The following MEX3B variants were observed in gnomAD, a reference collection of about 807,000 sequenced individuals.
MEX3B encodes the protein mex-3 RNA binding family member B, also known as RNA-binding protein MEX3B.
Under a neutral mutation model 12.2 loss-of-function variants are expected in MEX3B, and 10 were observed. The ratio of observed to expected loss-of-function variants is 0.82; its 90% CI spans 0.51 to 1.40. The LOEUF (loss-of-function observed/expected upper bound fraction) is 1.40, where lower values mean the gene tolerates loss of function less well. MEX3B is among the 40% of genes most tolerant of loss of function. The pLI is 0.00. For missense variants in MEX3B, 839 were observed against 801.4 expected, an observed-to-expected ratio of 1.05 and a Z score of -0.57; for synonymous variants, 498 against 356.3, an observed-to-expected ratio of 1.40 and a Z score of -4.48.
chr15:82,045,116 CCTT>C (rs1479541366), intron 1 of MEX3B: 13 of 601,986 alleles, frequency 2.2e-5, no homozygotes, highest in Admixed American at 5.9e-5. Context: ...CACTCCTCCT[CCTT>C]CCTCCTCCCA....
In MEX3B at chr15:82,044,710, G is replaced by A. The variant is rs981335694; in HGVS notation, c.257-97C>T. The A allele has an allele frequency of 1.7e-5, 20 of 1,182,432 alleles. No individual in the cohort carries two copies. The South Asian group carries it at 1.9e-4, about 11-fold the overall frequency. The allele number at this position is 1,182,432 out of a possible 1,614,324, so 73.2% of individuals were successfully genotyped here. Reference sequence around the variant, plus strand: ...GGGACCGGGGACAGCCCGCGTCCAGGACAGCGAGACGGCAGGACAAGAGAT... The same window carrying A: ...GGGACCGGGGACAGCCCGCGTCCAGAACAGCGAGACGGCAGGACAAGAGAT... On this transcript the variant is annotated intron_variant, in intron 1 of 1. Transcript: ENST00000329713. The surrounding 1 kb of genome is among the most constrained non-coding windows in gnomAD (Gnocchi z 5.3).
At chr15:82,045,066 C>T (rs1361486470) in intron 1 of MEX3B, 3 of 595,774 alleles carry the variant, frequency 5.0e-6, no homozygotes, top group Non-Finnish European at 8.9e-6. Flanking sequence ...GGCTCCATTC[C>T]GCTTTGCAGA....
In MEX3B at chr15:82,043,097, A is replaced by T; in HGVS notation, c.*63T>A. 1 of 1,383,190 alleles carries T rather than the reference A, an allele frequency of 7.2e-7. No individual in the cohort carries two copies. Among genetic ancestry groups the T allele is most frequent in the Non-Finnish European group, 9.4e-7 (1 of 1,064,518 alleles). The allele number at this position is 1,383,190 out of a possible 1,614,324, so 85.7% of individuals were successfully genotyped here. On this transcript the variant is annotated 3_prime_UTR_variant, in exon 2 of 2. Transcript: ENST00000329713. ...CAGGGAGGCAGGCGAGCGCTGGGGA[A>T]AGAGGGTGGGGAGGGGTTCCCCCTT...
At position 82,045,549 on chromosome 15, in the gene MEX3B, AG is replaced by A; in HGVS notation, c.156del (p.Ser53LeufsTer12). ...TTGCGCGGCTCGCTGTCGTACAGAG[AG>A]GCGCCCTCGTCACTGTCCAGCCCCA... ...SLLGLDSDEG[A>X]SLYDSEPRKK... On this transcript the variant is annotated frameshift_variant, in exon 1 of 2. Transcript: ENST00000329713. LOFTEE classifies it high-confidence loss of function. 1 of 1,611,916 alleles carries A rather than the reference AG, an allele frequency of 6.2e-7. No individual in the cohort carries two copies. The highest frequency in any genetic ancestry group is 8.5e-7 in the Non-Finnish European group (1 of 1,179,752).
chr15:82,045,365 C>G, intron 1 of MEX3B, 85 bp downstream of exon 1: 1 of 1,479,788 alleles, frequency 6.8e-7, no homozygotes, highest in South Asian at 1.2e-5. Context: ...CCGCGGATCC[C>G]GATACTGAAC....
rs2073231069 is a variant in MEX3B at position 82,043,223 on chromosome 15, C to A, written c.1647G>T (p.Lys549Asn). Residue 549 changes from lysine (K) to asparagine (N), a missense_variant, in exon 2 of 2, where the codon AAG becomes AAT. By Grantham distance (94) the Lys-to-Asn change is moderately conservative. Around this residue, in one of 3 missense-constraint regions of MEX3B, gnomAD observed 573 missense variants for 488.9 expected, o/e 1.17. Transcript: ENST00000329713. ...GGCAGACCGGGCACTCGGGCTCGCTCTTCTCACAGATGCGATTGGCGCACT... is the reference window on the plus strand; with the variant it reads ...GGCAGACCGGGCACTCGGGCTCGCTATTCTCACAGATGCGATTGGCGCACT... ...CMECANRICE[K>N]SEPECPVCHT... 6.3e-7 allele frequency: 1 copy of A among 1,587,924 alleles called. No homozygotes were observed. The highest frequency in any genetic ancestry group is 8.6e-7 in the Non-Finnish European group (1 of 1,167,682).
Position 82,043,750 on chromosome 15 carries a change from G to C in MEX3B, c.1120C>G (p.Pro374Ala). 2 of 1,568,856 alleles carry C rather than the reference G, an allele frequency of 1.3e-6. No homozygotes were observed. Among genetic ancestry groups the C allele is most frequent in the Non-Finnish European group, 8.6e-7 (1 of 1,158,962 alleles). ...DPAPAPPPGA[P>A]LIWAQFERSP... ...CGCTCGAACTGGGCCCAGATAAGTGGTGCCCCAGGTGGGGGAGCGGGAGCC... is the reference window on the plus strand; with the variant it reads ...CGCTCGAACTGGGCCCAGATAAGTGCTGCCCCAGGTGGGGGAGCGGGAGCC... The change falls in exon 2 of 2, where the codon CCA (proline) becomes GCA (alanine). Residue 374 changes from proline (P) to alanine (A), a missense_variant. Physicochemically the swap from Pro to Ala is conservative, Grantham distance 27 (BLOSUM62 -1). This residue lies in a region of MEX3B where 573 missense variants were observed against 488.9 expected (regional missense o/e 1.17). Transcript: ENST00000329713.
Position 82,045,617 on chromosome 15 carries a change from T to A in MEX3B, c.89A>T (p.Asp30Val). The change falls in exon 1 of 2, where the codon GAC becomes GTC. Residue 30 changes from aspartate (D) to valine (V), a missense_variant. This residue lies in a region of MEX3B where 214 missense variants were observed against 223.8 expected (regional missense o/e 0.96). Coordinates refer to ENST00000329713, the MANE Select transcript of MEX3B (RefSeq NM_032246.6). ...GAGCGCGAGCTGCAGGGCTCTTTGGTCATCCAGGGTCTCTCCCCCTCCGCT... is the reference window on the plus strand; with the variant it reads ...GAGCGCGAGCTGCAGGGCTCTTTGGACATCCAGGGTCTCTCCCCCTCCGCT... ...GSSGGGETLD[D>V]QRALQLALDQ... 2 of 1,603,110 alleles carry A rather than the reference T, an allele frequency of 1.2e-6. No homozygotes were observed. The highest frequency in any genetic ancestry group is 2.2e-5 in the East Asian group (1 of 44,520).
At position 82,043,553 on chromosome 15, in the gene MEX3B, C is replaced by A; in HGVS notation, c.1317G>T (p.Pro439=). The part of the protein sequence containing the change: ...HRRLHPGTSC[P]RLSPPLHMAP... ...CCATGTGCAAGGGTGGAGACAGGCG[C>A]GGGCAGCTGGTGCCAGGGTGCAGCC... Residue 439 remains proline (P), a synonymous_variant, in exon 2 of 2, where the codon CCG becomes CCT. Coordinates refer to ENST00000329713, the MANE Select transcript of MEX3B (RefSeq NM_032246.6). 1 of 1,537,142 alleles carries A rather than the reference C, an allele frequency of 6.5e-7. No individual in the cohort carries two copies. The highest frequency in any genetic ancestry group is 2.1e-5 in the Admixed American group (1 of 46,650).
rs1487588907 is a variant in MEX3B at position 82,045,907 on chromosome 15, C to T, written c.-202G>A. ...GGGCAGTGGCTGCAGGAGCCCCCACCTGGGTCCCCACCCCAGACCTGCTGG... is the reference window on the plus strand; with the variant it reads ...GGGCAGTGGCTGCAGGAGCCCCCACTTGGGTCCCCACCCCAGACCTGCTGG... On this transcript the variant is annotated 5_prime_UTR_variant, in exon 1 of 2. Transcript: ENST00000329713. 11 of 498,956 alleles carry T rather than the reference C, an allele frequency of 2.2e-5. No homozygotes were observed. Among genetic ancestry groups the T allele is most frequent in the Non-Finnish European group, 3.2e-5 (10 of 316,884 alleles). 30.9% of individuals were successfully genotyped at this position (498,956 alleles called of 1,614,324 possible).
chr15:82,045,151 TC>T (rs1400578704), intron 1 of MEX3B: 2 of 607,920 alleles, frequency 3.3e-6, no homozygotes, highest in East Asian at 2.7e-5. Context: ...AAAGGCCCCC[TC>T]CCCCAAGCAT....
At position 82,044,798 on chromosome 15, in the gene MEX3B, C is replaced by T. The variant is rs1404504084; in HGVS notation, c.257-185G>A. 6.2e-6 allele frequency: 4 copies of T among 645,368 alleles called. No individual in the cohort carries two copies. Among genetic ancestry groups the T allele is most frequent in the African/African-American group, 1.8e-5 (1 of 54,852 alleles). 40.0% of individuals were successfully genotyped at this position (645,368 alleles called of 1,614,324 possible). A position where few individuals can be genotyped will look rare whatever the true frequency, so the allele number is the denominator to read the frequency against. On this transcript the variant is annotated intron_variant, in intron 1 of 1. Coordinates refer to ENST00000329713, the MANE Select transcript of MEX3B (RefSeq NM_032246.6). The surrounding 1 kb of genome is among the most constrained non-coding windows in gnomAD (Gnocchi z 5.3). ...CGCGCCACGGGCTGGGCAGCGGATC[C>T]CACCCGCGAGGCGCTCGAGGAACAG...
At chr15:82,045,414 C>CACCCCCCCCCCCCACCCCCA in intron 1 of MEX3B, 36 bp downstream of exon 1, 4 of 1,578,514 alleles carry the variant, frequency 2.5e-6, no homozygotes, top group African/African-American at 1.3e-5. Context: ...GACCCTACAC[C>CACCCCCCCCCCCCACCCCCA]ACCCCCACCC....
chr15:82,043,848 G>C lies in MEX3B; in HGVS notation c.1022C>G (p.Thr341Ser). 1 of 1,593,906 alleles carries C rather than the reference G, an allele frequency of 6.3e-7. No individual in the cohort carries two copies. The highest frequency in any genetic ancestry group is 8.5e-7 in the Non-Finnish European group (1 of 1,170,240). Residue 341 changes from threonine to serine, a missense_variant, in exon 2 of 2, where the codon ACC becomes AGC. This residue lies in a region of MEX3B where 573 missense variants were observed against 488.9 expected (regional missense o/e 1.17). Coordinates refer to ENST00000329713, the MANE Select transcript of MEX3B (RefSeq NM_032246.6). ...GNNNNNGNGY[T>S]YTAGGEASVP... The stretch of plus-strand genomic sequence containing the variant: ...TGAGGCTTCTCCCCCCGCTGTGTAG[G>C]TGTACCCATTGCCGTTATTGTTATT...
rs1295398266 is a variant in MEX3B, at chr15:82,043,851, T to C, written c.1019A>G (p.Tyr340Cys). The C allele has an allele frequency of 6.3e-7, 1 of 1,593,140 alleles. No homozygotes were observed. The change falls in exon 2 of 2, where the codon TAC (tyrosine) becomes TGC (cysteine). Residue 340 changes from tyrosine (Y) to cysteine (C), a missense_variant. By Grantham distance (194) the Tyr-to-Cys change is radical. Transcript: ENST00000329713. Reference sequence around the variant, plus strand: ...GGCTTCTCCCCCCGCTGTGTAGGTGTACCCATTGCCGTTATTGTTATTGTT... The same window carrying C: ...GGCTTCTCCCCCCGCTGTGTAGGTGCACCCATTGCCGTTATTGTTATTGTT... ...NGNNNNNGNG[Y>C]TYTAGGEASV...
Position 82,045,520 on chromosome 15 carries a change from C to T in MEX3B, c.186G>A (p.Lys62=), listed in dbSNP as rs748405063. 5.6e-6 allele frequency: 9 copies of T among 1,612,818 alleles called. No individual in the cohort carries two copies. The highest frequency in any genetic ancestry group is 1.3e-5 in the African/African-American group (1 of 74,890). The stretch of plus-strand genomic sequence containing the variant: ...GCACGCACTCGGTCATGTTCACGCT[C>T]TTCTTGCGCGGCTCGCTGTCGTACA... The part of the protein sequence containing the change: ...ASLYDSEPRK[K]SVNMTECVPV... The change falls in exon 1 of 2, where the codon AAG becomes AAA. Residue 62 remains lysine (K), a synonymous_variant. Transcript: ENST00000329713.
In MEX3B at chr15:82,042,934, CTT is replaced by C. The variant is rs887299977; in HGVS notation, c.*224_*225del. 7.5e-6 allele frequency: 3 copies of C among 401,684 alleles called. No homozygotes were observed. The highest frequency in any genetic ancestry group is 6.2e-5 in the African/African-American group (3 of 48,662). 24.9% of individuals were successfully genotyped at this position (401,684 alleles called of 1,614,324 possible). On this transcript the variant is annotated 3_prime_UTR_variant, in exon 2 of 2. Coordinates refer to ENST00000329713, the MANE Select transcript of MEX3B (RefSeq NM_032246.6). ...TTCAGGTTTCCCAGGCTACAGTACT[CTT>C]GATGCAGATATCCTGGCAAATTCCT... is the stretch of plus-strand genomic sequence containing the variant.
rs2073247670 is a variant in MEX3B, at chr15:82,044,994, G to A, written c.257-381C>T. The A allele has an allele frequency of 1.9e-5, 11 of 584,980 alleles. No individual in the cohort carries two copies. Among genetic ancestry groups the A allele is most frequent in the South Asian group, 1.2e-4 (6 of 48,270 alleles). 36.2% of individuals were successfully genotyped at this position (584,980 alleles called of 1,614,324 possible). On this transcript the variant is annotated intron_variant, in intron 1 of 1. Transcript: ENST00000329713. This position sits in a 1 kb window ranked among gnomAD's most constrained non-coding sequence, Gnocchi z 5.3. The stretch of plus-strand genomic sequence containing the variant: ...AGGCAGCTGAAGTCGCGATGCCTCA[G>A]CGCTGGTCGACTGGGGGTAGGGGGT...
chr15:82,044,759 C>T lies in MEX3B; in HGVS notation c.257-146G>A, dbSNP rs756716585. The stretch of plus-strand genomic sequence containing the variant: ...ATGGGCGGAAAGGGGGCGTCTCCCT[C>T]ACTGACCTCGGGCCGCGCCACGGGC... On this transcript the variant is annotated intron_variant, in intron 1 of 1. Coordinates refer to ENST00000329713, the MANE Select transcript of MEX3B (RefSeq NM_032246.6). The surrounding 1 kb of genome is among the most constrained non-coding windows in gnomAD (Gnocchi z 5.3). 5.9e-5 allele frequency: 47 copies of T among 802,926 alleles called. No individual in the cohort carries two copies. The highest frequency in any genetic ancestry group is 8.4e-5 in the Non-Finnish European group (42 of 500,876). 49.7% of individuals were successfully genotyped at this position (802,926 alleles called of 1,614,324 possible).
Sources: allele counts gnomAD v4.1 joint callset, GRCh38; gene constraint gnomAD v4.1.1; regional missense constraint gnomAD v4.1.1; non-coding constraint Gnocchi (gnomAD v3.1); transcripts MANE v1.5; gene names NCBI Gene and HGNC (gene_info 2026-07-23, HGNC 2026-07-21).